The following ASPRV1 variants were observed in gnomAD, a reference collection of about 807,000 sequenced individuals.
The protein encoded by ASPRV1 is aspartic peptidase retroviral like 1.
A neutral mutation model predicts 11.0 loss-of-function variants in ASPRV1; 7 were observed. The ratio of observed to expected loss-of-function variants is 0.64; its 90% CI spans 0.36 to 1.20. The LOEUF is 1.20. Among genes scored for constraint, ASPRV1 ranks in the 50% most tolerant of loss-of-function variants. The pLI is 0.02. For synonymous variants in ASPRV1, 136 were observed against 138.4 expected, an observed-to-expected ratio of 0.98 and a Z score of 0.12; for missense variants, 299 against 320.0, an observed-to-expected ratio of 0.93 and a Z score of 0.50.
At chr2:70,038,514 A>C in the ASPRV1 span, among the ~76,000 whole-genome samples, 2 of 152,154 alleles carry the variant, frequency 1.3e-5, no homozygotes, top group African/African-American at 4.8e-5. Flanking sequence ...CAAGAGTTTG[A>C]GGTTACAATG....
the ASPRV1 span, among the ~76,000 whole-genome samples, chr2:69,967,890 G>A: frequency 6.6e-6 from 1 of 152,000 alleles, no homozygotes; most frequent in African/African-American, 2.4e-5. Context: ...AGACCAGCCT[G>A]GCCAACATGG....
At chr2:70,079,653 C>G in the ASPRV1 span, among the ~76,000 whole-genome samples, 32,500 of 152,032 alleles carry the variant, frequency 0.21, 3,789 homozygotes, top group Non-Finnish European at 0.24. Flanking sequence ...TCCTGGAAGA[C>G]AAGTGAAGCT....
At chr2:69,996,223 A>AC in the ASPRV1 span, among the ~76,000 whole-genome samples, 1 of 150,004 alleles carries the variant, frequency 6.7e-6, no homozygotes, top group Non-Finnish European at 1.5e-5. Context: ...TCAAAAAAAA[A>AC]AAAAAAAAAA....
the ASPRV1 span, chr2:69,970,642 C>A: frequency 1.2e-4 from 19 of 152,258 alleles, no homozygotes; most frequent in Non-Finnish European, 2.2e-4. Flanking sequence ...TAAGGGACTG[C>A]CAGGCCCAGC....
chr2:69,977,680 G>C, the ASPRV1 span, among the ~76,000 whole-genome samples: 4 of 152,156 alleles, frequency 2.6e-5, no homozygotes, highest in Admixed American at 6.6e-5. Flanking sequence ...ATGAAAAGAA[G>C]TGGCCCCAAA....
the ASPRV1 span, among the ~76,000 whole-genome samples, chr2:70,042,910 A>T: frequency 6.6e-6 from 1 of 152,222 alleles, no homozygotes; most frequent in Non-Finnish European, 1.5e-5. Context: ...GATCAAAAAT[A>T]AAGTGCTCCA....
chr2:70,068,779 A>T, the ASPRV1 span, among the ~76,000 whole-genome samples: 1 of 150,322 alleles, frequency 6.7e-6, no homozygotes, highest in Non-Finnish European at 1.5e-5. Flanking sequence ...ACTAAAAAAA[A>T]AAAAAAAATA....
the ASPRV1 span, chr2:69,937,023 A>G: frequency 1.5e-6 from 1 of 687,658 alleles, no homozygotes; most frequent in Non-Finnish European, 2.7e-6. Context: ...TGACAGGACA[A>G]GTACCCCCAG....
the ASPRV1 span, among the ~76,000 whole-genome samples, chr2:69,974,289 A>C: frequency 6.6e-6 from 1 of 151,878 alleles, no homozygotes; most frequent in South Asian, 2.1e-4. Flanking sequence ...ATGAGCTGAG[A>C]TCGTGCCATT....
the ASPRV1 span, among the ~76,000 whole-genome samples, chr2:69,934,679 T>C: frequency 3.3e-5 from 5 of 152,372 alleles, no homozygotes; most frequent in Admixed American, 6.5e-5. Context: ...ATCTTTAAGA[T>C]AGCATGGTAT....
In ASPRV1 at chr2:69,960,565, C is replaced by T; in HGVS notation, c.*92G>A. ...AGCAAGAGTTGATAAGCAGACTGGC[C>T]AAGCCCAGTGACCCCCATGAGGATA... On this transcript the variant is annotated 3_prime_UTR_variant, in exon 1 of 1. Coordinates refer to ENST00000320256, the MANE Select transcript of ASPRV1 (RefSeq NM_152792.4). The T allele has an allele frequency of 7.3e-7, 1 of 1,366,140 alleles. No homozygotes were observed. The highest frequency in any genetic ancestry group is 1.0e-6 in the Non-Finnish European group (1 of 1,003,166). 84.6% of individuals were successfully genotyped at this position (1,366,140 alleles called of 1,614,324 possible).
At chr2:70,067,895 T>C in the ASPRV1 span, among the ~76,000 whole-genome samples, 2 of 152,226 alleles carry the variant, frequency 1.3e-5, no homozygotes, top group Non-Finnish European at 2.9e-5. Context: ...TAAATAATTT[T>C]TCAAAAAGAT....
the ASPRV1 span, among the ~76,000 whole-genome samples, chr2:70,035,859 G>C: frequency 8.6e-5 from 13 of 151,200 alleles, no homozygotes; most frequent in Admixed American, 3.9e-4. Context: ...CAAACCTAAT[G>C]ACTTCACAAA....
At chr2:70,006,517 C>G in the ASPRV1 span, among the ~76,000 whole-genome samples, 11 of 152,286 alleles carry the variant, frequency 7.2e-5, no homozygotes, top group Non-Finnish European at 1.3e-4. Flanking sequence ...GGGCAGCCTT[C>G]TCCAGCACCC....
chr2:70,028,813 G>A, the ASPRV1 span, among the ~76,000 whole-genome samples: 1 of 152,198 alleles, frequency 6.6e-6, no homozygotes, highest in Non-Finnish European at 1.5e-5. Flanking sequence ...GTGGTGGCAC[G>A]AGCCTGTAGT....
upstream of ASPRV1, chr2:69,961,681 C>G: frequency 6.5e-7 from 1 of 1,537,278 alleles, no homozygotes; most frequent in Non-Finnish European, 8.7e-7. Flanking sequence ...GGCCCCTGGG[C>G]TCCCCATTCT....
the ASPRV1 span, among the ~76,000 whole-genome samples, chr2:69,994,655 G>A: frequency 6.6e-6 from 1 of 152,138 alleles, no homozygotes; most frequent in African/African-American, 2.4e-5. Flanking sequence ...TTGCTACTGG[G>A]TCATGAAATC....
the ASPRV1 span, chr2:70,086,866 C>T: frequency 6.6e-6 from 1 of 152,282 alleles, no homozygotes; most frequent in African/African-American, 2.4e-5. Context: ...GAGTGGGTTT[C>T]GGTCTTTCTG....
downstream of ASPRV1, among the ~76,000 whole-genome samples, chr2:69,957,675 T>C (rs780417210): frequency 3.8e-4 from 57 of 151,986 alleles, no homozygotes; most frequent in Non-Finnish European, 2.1e-4. Context: ...CCCAACAGGC[T>C]CGCAGGTGAT....
Sources: allele counts gnomAD v4.1 joint callset (sites outside exome capture counted in the v4.1 genomes callset), GRCh38; gene constraint gnomAD v4.1.1; transcripts MANE v1.5; gene names NCBI Gene and HGNC (gene_info 2026-07-23, HGNC 2026-07-21).